The following OCLN variants were observed in gnomAD, a reference collection of about 807,000 sequenced individuals.
OCLN encodes the protein occludin.
Under a neutral mutation model 47.9 loss-of-function variants are expected in OCLN, and 21 were observed. The ratio of observed to expected loss-of-function variants is 0.44; its 90% CI spans 0.31 to 0.63. The LOEUF is 0.63. Among genes scored for constraint, OCLN ranks in the 30% least tolerant of loss-of-function variants. The probability of loss-of-function intolerance (pLI) is 0.08; values close to 1 mark genes in which losing one functional copy is unlikely to be tolerated. For synonymous variants in OCLN, 117 were observed against 198.4 expected (o/e 0.59, Z 3.45); for missense variants, 360 against 571.0 (o/e 0.63, Z 3.77).
chr5:69,516,003 A>T (rs1428959424), intron 4 of OCLN, among the ~76,000 whole-genome samples: 2 of 146,522 alleles, frequency 1.4e-5, no homozygotes, highest in East Asian at 2.1e-4. Context: ...GACGCTCCTC[A>T]CTTTCCAGAC....
Position 69,493,701 on chromosome 5 carries a change from T to A in OCLN, c.-69+801T>A, listed in dbSNP as rs956910942. On this transcript the variant is annotated intron_variant, in intron 1 of 8. Coordinates refer to ENST00000396442, the MANE Select transcript of OCLN (RefSeq NM_001205254.2). The surrounding 1 kb of genome is among the most constrained non-coding windows in gnomAD (Gnocchi z 5.3). ...CGCGCGCTGCCTGGGAGCGCCTCGG[T>A]GCGCACGGAAGCCGGGACCCGCGCC... is the stretch of plus-strand genomic sequence containing the variant. Among the ~76,000 whole-genome samples the A allele has an allele frequency of 6.6e-6, 1 of 152,030 alleles. No homozygotes were observed. The highest frequency in any genetic ancestry group is 2.4e-5 in the African/African-American group (1 of 41,402).
At chr5:69,508,681 T>C (rs1223266336) in intron 2 of OCLN, among the ~76,000 whole-genome samples, 2 of 152,198 alleles carry the variant, frequency 1.3e-5, no homozygotes, top group Admixed American at 1.3e-4. Context: ...CCCAAGTGGC[T>C]AGTGGCTGCC....
Position 69,509,283 on chromosome 5 carries a change from A to AT in OCLN, c.195dup (p.Arg66SerfsTer36), listed in dbSNP as rs775523352. 6.2e-7 allele frequency: 1 copy of AT among 1,614,216 alleles called. No homozygotes were observed. The highest frequency in any genetic ancestry group is 1.3e-5 in the African/African-American group (1 of 75,058). On this transcript the variant is annotated frameshift_variant, in exon 3 of 9. Coordinates refer to ENST00000396442, the MANE Select transcript of OCLN (RefSeq NM_001205254.2). LOFTEE classifies it high-confidence loss of function. ...CAAATGGACCTCTCCTCCAGGAGTG[A>AT]TTCGGATCCTGTCTATGCTCATTAT...
chr5:69,519,095 G>A (rs749184490), intron 4 of OCLN, among the ~76,000 whole-genome samples: 12 of 152,046 alleles, frequency 7.9e-5, no homozygotes, highest in Non-Finnish European at 1.2e-4. Flanking sequence ...GCATGATCTC[G>A]CCACTGCACT....
chr5:69,504,016 C>T (rs1768528465), intron 1 of OCLN, among the ~76,000 whole-genome samples, 161 bp from the exon 2 acceptor site: 1 of 151,376 alleles, frequency 6.6e-6, no homozygotes, highest in Non-Finnish European at 1.5e-5. Context: ...AGGAGGAGTA[C>T]TTGAGCCTGG....
chr5:69,522,891 TGAC>T (rs1400034671), intron 4 of OCLN, among the ~76,000 whole-genome samples: 2 of 113,988 alleles, frequency 1.8e-5, no homozygotes, highest in Non-Finnish European at 3.6e-5. Context: ...TATGCCTGGC[TGAC>T]TTTTTTTTTT....
chr5:69,497,247 T>C (rs1321084268), intron 1 of OCLN, among the ~76,000 whole-genome samples: 11 of 152,282 alleles, frequency 7.2e-5, no homozygotes, highest in Admixed American at 6.5e-4. Context: ...AATTTTTTTT[T>C]TTTAACCATT....
intron 4 of OCLN, among the ~76,000 whole-genome samples, chr5:69,523,326 A>G (rs1365544560): frequency 6.6e-6 from 1 of 152,114 alleles, no homozygotes; most frequent in African/African-American, 2.4e-5. Flanking sequence ...AAAGGGGGCT[A>G]TTAAGCCATT....
chr5:69,517,313 TA>T (rs61456278), intron 4 of OCLN, among the ~76,000 whole-genome samples: 1,210 of 85,630 alleles, frequency 0.014, 13 homozygotes, highest in African/African-American at 0.031. Context: ...TATATATATA[TA>T]TTTTTTTTTT....
At chr5:69,496,350 G>A (rs1046996525) in intron 1 of OCLN, among the ~76,000 whole-genome samples, 10 of 151,834 alleles carry the variant, frequency 6.6e-5, no homozygotes, top group Admixed American at 2.6e-4. Flanking sequence ...CTCCCGTCTC[G>A]GCCCCCCAAA....
intron 3 of OCLN, among the ~76,000 whole-genome samples, chr5:69,511,113 C>T (rs551021196): frequency 3.2e-4 from 48 of 151,906 alleles, no homozygotes; most frequent in African/African-American, 1.1e-3. Context: ...CTTGCTCTAT[C>T]GCCCAGGCTG....
intron 4 of OCLN, among the ~76,000 whole-genome samples, chr5:69,533,634 T>C (rs1445074371): frequency 6.6e-6 from 1 of 152,142 alleles, no homozygotes; most frequent in East Asian, 1.9e-4. Flanking sequence ...AAGAAGAACC[T>C]GTATATGTAT....
At chr5:69,550,303 C>A (rs1254543982) in intron 7 of OCLN, among the ~76,000 whole-genome samples, 1 of 124,562 alleles carries the variant, frequency 8.0e-6, no homozygotes, top group East Asian at 2.3e-4. Context: ...GTGATTCTCC[C>A]GCCTCAGCCT....
intron 5 of OCLN, among the ~76,000 whole-genome samples, chr5:69,536,962 C>T (rs1462075675): frequency 1.4e-5 from 2 of 147,462 alleles, no homozygotes; most frequent in East Asian, 2.2e-4. Flanking sequence ...AGTGAGACTC[C>T]GTCTCAAAAA....
At chr5:69,530,069 TG>T (rs1469342874) in intron 4 of OCLN, among the ~76,000 whole-genome samples, 1 of 152,132 alleles carries the variant, frequency 6.6e-6, no homozygotes, top group Non-Finnish European at 1.5e-5. Context: ...TGAGATGTAG[TG>T]GTGTGACCCT....
intron 4 of OCLN, among the ~76,000 whole-genome samples, chr5:69,531,890 G>A (rs907340505): frequency 3.3e-5 from 5 of 152,196 alleles, no homozygotes; most frequent in African/African-American, 1.2e-4. Flanking sequence ...AATATGTATT[G>A]CAGAAGATAC....
intron 1 of OCLN, among the ~76,000 whole-genome samples, chr5:69,497,385 A>C (rs1003897995): frequency 2.6e-5 from 3 of 116,312 alleles, no homozygotes; most frequent in African/African-American, 9.8e-5. Context: ...GTTTTTCTAG[A>C]TTTTTTTTTT....
Position 69,514,085 on chromosome 5 carries a change from G to GC in OCLN, c.868dup (p.Gln290ProfsTer10). The stretch of plus-strand genomic sequence containing the variant: ...GGGACAAGGAACACATTTATGATGA[G>GC]CAGCCCCCCAATGTCGAGGAGTGGG... On this transcript the variant is annotated frameshift_variant, in exon 4 of 9. Coordinates refer to ENST00000396442, the MANE Select transcript of OCLN (RefSeq NM_001205254.2). LOFTEE classifies it high-confidence loss of function. 1 of 1,614,114 alleles carries GC rather than the reference G, an allele frequency of 6.2e-7. No individual in the cohort carries two copies. Among genetic ancestry groups the GC allele is most frequent in the African/African-American group, 1.3e-5 (1 of 75,050 alleles).
intron 4 of OCLN, among the ~76,000 whole-genome samples, chr5:69,521,667 G>A (rs1223354711): frequency 6.6e-6 from 1 of 152,118 alleles, no homozygotes; most frequent in East Asian, 1.9e-4. Context: ...GGATTACCAA[G>A]TTGCATTGTT....
Sources: allele counts gnomAD v4.1 joint callset (sites outside exome capture counted in the v4.1 genomes callset), GRCh38; gene constraint gnomAD v4.1.1; non-coding constraint Gnocchi (gnomAD v3.1); transcripts MANE v1.5; gene names NCBI Gene and HGNC (gene_info 2026-07-23, HGNC 2026-07-21).